KPTN: variants seen among roughly 807,000 people sequenced by gnomAD.
KPTN encodes kaptin, actin binding protein, also known as KICSTOR complex protein kaptin.
Under a neutral mutation model 52.6 loss-of-function variants are expected in KPTN, and 36 were observed. That is an observed-to-expected ratio of 0.68 (90% CI 0.52 to 0.90). The LOEUF (loss-of-function observed/expected upper bound fraction) is 0.90, where lower values mean the gene tolerates loss of function less well. KPTN is among the 40% of genes least tolerant of loss of function. KPTN has a pLI of 0.00. For missense variants in KPTN, 529 were observed against 576.2 expected (o/e 0.92, Z 0.84); for synonymous variants, 271 against 248.4 (o/e 1.09, Z -0.85).
intron 11 of KPTN, chr19:47,476,291 A>C (rs1967662503): frequency 3.5e-6 from 1 of 286,846 alleles, no homozygotes; most frequent in Non-Finnish European, 6.2e-6. Flanking sequence ...CCTGGGTGAC[A>C]GAGCAAGACT....
upstream of KPTN, chr19:47,484,308 A>G (rs1968005422): frequency 1.9e-6 from 2 of 1,062,708 alleles, no homozygotes; most frequent in Non-Finnish European, 1.3e-6. Flanking sequence ...CTCTCCCAAG[A>G]TGGCGGCCAG....
intron 11 of KPTN, chr19:47,476,243 A>G: frequency 4.6e-6 from 1 of 217,254 alleles, no homozygotes; most frequent in Non-Finnish European, 8.8e-6. Context: ...TGGGAGGTGG[A>G]GGTTGCAGTG....
chr19:47,484,372 TCTC>T (rs1426144608), upstream of KPTN: 8 of 600,560 alleles, frequency 1.3e-5, no homozygotes, highest in East Asian at 1.1e-4. Context: ...CGCGCTCTCT[TCTC>T]CTTTCCATTT....
At position 47,479,945 on chromosome 19, in the gene KPTN, G is replaced by A. The variant is rs775146369; in HGVS notation, c.710-5C>T. The A allele has an allele frequency of 6.2e-7, 1 of 1,608,926 alleles. No individual in the cohort carries two copies. Among genetic ancestry groups the A allele is most frequent in the South Asian group, 1.1e-5 (1 of 90,668 alleles). ...CCGACCACATCTGCAGAACCTCTGCGTGGAGAGCGAGGATTCAGAGCCCCA... is the reference window on the plus strand; with the variant it reads ...CCGACCACATCTGCAGAACCTCTGCATGGAGAGCGAGGATTCAGAGCCCCA... On this transcript the variant is annotated splice_region_variant and splice_polypyrimidine_tract_variant and intron_variant, in intron 7 of 11. Transcript: ENST00000338134.
chr19:47,477,941 T>C (rs1476219992), intron 8 of KPTN, among the ~76,000 whole-genome samples, 160 bp from the exon 9 acceptor site: 2 of 151,990 alleles, frequency 1.3e-5, no homozygotes, highest in Non-Finnish European at 2.9e-5. Flanking sequence ...GCACCTGTAA[T>C]GCCAGCTACT....
intron 8 of KPTN, among the ~76,000 whole-genome samples, chr19:47,479,295 G>C (rs949364601): frequency 6.6e-6 from 1 of 152,146 alleles, no homozygotes; most frequent in South Asian, 2.1e-4. Flanking sequence ...CGTCCGCTTC[G>C]GCCTCCCAAA....
chr19:47,483,407 G>A (rs1233232926), intron 2 of KPTN, 28 bp from the exon 3 acceptor site: 10 of 1,608,374 alleles, frequency 6.2e-6, no homozygotes, highest in Non-Finnish European at 8.5e-6. Context: ...GTTCAGGGGA[G>A]GGCAGGGGTG....
chr19:47,482,464 G>C (rs1368662546), intron 4 of KPTN, among the ~76,000 whole-genome samples: 1 of 134,862 alleles, frequency 7.4e-6, no homozygotes, highest in African/African-American at 2.7e-5. Context: ...CCTGGCAACA[G>C]AGCGAGCATC....
Position 47,484,089 on chromosome 19 carries a change from C to A in KPTN, c.72G>T (p.Ser24=). 1.2e-6 allele frequency: 2 copies of A among 1,607,576 alleles called. No individual in the cohort carries two copies. The highest frequency in any genetic ancestry group is 1.7e-6 in the Non-Finnish European group (2 of 1,179,768). The part of the protein sequence containing the change: ...LREDSFTRFS[S]QSNVYGLAGG... ...CTGCCAGCCCGTACACATTGCTCTG[C>A]GACGAGAAGCGCGTGAAGCTGTCCT... The change falls in exon 1 of 12, where the codon TCG becomes TCT. Residue 24 remains serine, a synonymous_variant. Coordinates refer to ENST00000338134, the MANE Select transcript of KPTN (RefSeq NM_007059.4).
chr19:47,481,105 C>T, intron 4 of KPTN, 72 bp from the exon 5 acceptor site: 1 of 1,228,832 alleles, frequency 8.1e-7, no homozygotes, highest in South Asian at 1.3e-5. Context: ...TCTCCTCTTG[C>T]AAAAACCCCT....
rs1308331335 is a variant in KPTN, at chr19:47,477,715, A to G, written c.854T>C (p.Val285Ala). ...VLVASMLEPAVVYRDLLNRGL... is the reference protein window; with the variant it reads ...VLVASMLEPAAVYRDLLNRGL... Reference sequence around the variant, plus strand: ...TCTCAGGCCCCCTCACCGATACACCACTGCTGGCTCCAACATGCTGGCCAC... The same window carrying G: ...TCTCAGGCCCCCTCACCGATACACCGCTGCTGGCTCCAACATGCTGGCCAC... Residue 285 changes from valine to alanine, a missense_variant, in exon 9 of 12, where the codon GTG (valine) becomes GCG (alanine). Physicochemically the swap from Val to Ala is moderately conservative, Grantham distance 64. Coordinates refer to ENST00000338134, the MANE Select transcript of KPTN (RefSeq NM_007059.4). 6.2e-7 allele frequency: 1 copy of G among 1,613,178 alleles called. No individual in the cohort carries two copies. Among genetic ancestry groups the G allele is most frequent in the South Asian group, 1.1e-5 (1 of 91,074 alleles).
chr19:47,480,239 C>CAT, intron 7 of KPTN, 59 bp downstream of exon 7: 1 of 1,047,482 alleles, frequency 9.5e-7, no homozygotes, highest in African/African-American at 1.7e-5. Context: ...CAGCCCCACC[C>CAT]TGGCCCCGCC....
rs1394459041 is a variant in KPTN, at chr19:47,484,055, C to T, written c.106G>A (p.Gly36Ser). Residue 36 changes from glycine to serine, a missense_variant, in exon 1 of 12, where the codon GGC becomes AGC. Coordinates refer to ENST00000338134, the MANE Select transcript of KPTN (RefSeq NM_007059.4). ...GCGGCCAGCAGCTCCCCGCGCCCGC[C>T]GGCGCCGCCTGCCAGCCCGTACACA... is the stretch of plus-strand genomic sequence containing the variant. ...SNVYGLAGGA[G>S]GRGELLAATL... 3 of 1,610,878 alleles carry T rather than the reference C, an allele frequency of 1.9e-6. No homozygotes were observed. In the South Asian group the frequency reaches 3.3e-5, roughly 18 times the overall value.
At position 47,483,743 on chromosome 19, in the gene KPTN, GTA is replaced by G; in HGVS notation, c.227-161_227-160del. 6.5e-6 allele frequency: 6 copies of G among 926,768 alleles called. No individual in the cohort carries two copies. The South Asian group carries it at 1.0e-4, about 16-fold the overall frequency. 57.4% of individuals were successfully genotyped at this position (926,768 alleles called of 1,614,324 possible). A position where few individuals can be genotyped will look rare whatever the true frequency, so the allele number is the denominator to read the frequency against. ...CCCTGGGTACTAGGGATCCTGACCT[GTA>G]AGTCTGAAGAATCCTGAAACCCTAG... On this transcript the variant is annotated intron_variant, in intron 1 of 11. Coordinates refer to ENST00000338134, the MANE Select transcript of KPTN (RefSeq NM_007059.4).
chr19:47,482,480 CA>C (rs774530971), intron 4 of KPTN, among the ~76,000 whole-genome samples: 316 of 70,170 alleles, frequency 4.5e-3, no homozygotes, highest in African/African-American at 0.015. Context: ...GCATCTATCT[CA>C]AAAAAAAAAA....
At chr19:47,480,486 G>T in intron 6 of KPTN, 79 bp from the exon 7 acceptor site, 4 of 1,047,674 alleles carry the variant, frequency 3.8e-6, no homozygotes, top group Non-Finnish European at 5.6e-6. Flanking sequence ...AGGGGCAGCC[G>T]CCCCTCCCTG....
chr19:47,483,228 C>A lies in KPTN; in HGVS notation c.395-13G>T. 6.2e-7 allele frequency: 1 copy of A among 1,614,020 alleles called. No homozygotes were observed. The highest frequency in any genetic ancestry group is 8.5e-7 in the Non-Finnish European group (1 of 1,180,006). On this transcript the variant is annotated splice_polypyrimidine_tract_variant and intron_variant, in intron 3 of 11. Coordinates refer to ENST00000338134, the MANE Select transcript of KPTN (RefSeq NM_007059.4). ...TTCAGGCAGCTCTCTGTAGGCAGGG[C>A]ACAGGCAGGTTAGCATGGGGGACCT...
Position 47,481,038 on chromosome 19 carries a change from A to G in KPTN, c.450-5T>C, listed in dbSNP as rs1568456885. 2 of 1,573,670 alleles carry G rather than the reference A, an allele frequency of 1.3e-6. No individual in the cohort carries two copies. Among genetic ancestry groups the G allele is most frequent in the Non-Finnish European group, 1.7e-6 (2 of 1,157,898 alleles). On this transcript the variant is annotated splice_region_variant and splice_polypyrimidine_tract_variant and intron_variant, in intron 4 of 11. Coordinates refer to ENST00000338134, the MANE Select transcript of KPTN (RefSeq NM_007059.4). ...AGTTGATCCCCGACCTGGACCCTGA[A>G]AGCAGAGAAATCTAGAACCCAAGGT...
chr19:47,477,591 C>T (rs1967716070), intron 9 of KPTN, 115 bp downstream of exon 9: 2 of 755,402 alleles, frequency 2.6e-6, no homozygotes, highest in Admixed American at 4.0e-5. Context: ...AGTATCTGTA[C>T]TTGTCCAGCT....
Sources: allele counts gnomAD v4.1 joint callset (sites outside exome capture counted in the v4.1 genomes callset), GRCh38; gene constraint gnomAD v4.1.1; transcripts MANE v1.5; gene names NCBI Gene and HGNC (gene_info 2026-07-23, HGNC 2026-07-21).